The following AGBL4 variants were observed in gnomAD, a reference collection of about 807,000 sequenced individuals.
The protein encoded by AGBL4 is AGBL carboxypeptidase 4.
Under a neutral mutation model 66.4 loss-of-function variants are expected in AGBL4, and 58 were observed. The ratio of observed to expected loss-of-function variants is 0.87; its 90% CI spans 0.71 to 1.09. The LOEUF (loss-of-function observed/expected upper bound fraction) is 1.09, where lower values mean the gene tolerates loss of function less well. Ranked by LOEUF, AGBL4 falls within the 50% of genes least tolerant of loss-of-function variation. AGBL4 has a pLI of 0.00. For synonymous variants in AGBL4, 234 were observed against 222.9 expected, an observed-to-expected ratio of 1.05 and a Z score of -0.44; for missense variants, 579 against 631.0, an observed-to-expected ratio of 0.92 and a Z score of 0.88.
chr1:49,231,541 C>G (rs1557750134), intron 4 of AGBL4, among the ~76,000 whole-genome samples: 1 of 152,310 alleles, frequency 6.6e-6, no homozygotes, highest in African/African-American at 2.4e-5. Context: ...CAGCAAGACT[C>G]TTTCTTTGGG....
intron 1 of AGBL4, among the ~76,000 whole-genome samples, chr1:49,951,727 T>A (rs553366454): frequency 6.6e-6 from 1 of 151,944 alleles, no homozygotes; most frequent in East Asian, 1.9e-4. Context: ...GTTATTTAGG[T>A]TTGGCAATGT....
chr1:49,331,279 C>G (rs968869563), intron 3 of AGBL4, among the ~76,000 whole-genome samples: 1 of 152,076 alleles, frequency 6.6e-6, no homozygotes, highest in East Asian at 1.9e-4. Flanking sequence ...CGGGTCGGGT[C>G]GAGCAGCACC....
chr1:48,743,795 G>T (rs1233962948), intron 6 of AGBL4, among the ~76,000 whole-genome samples: 1 of 152,154 alleles, frequency 6.6e-6, no homozygotes, highest in Non-Finnish European at 1.5e-5. Flanking sequence ...GCCACTCTGG[G>T]TTCAGTTAAC....
chr1:50,022,543 C>T (rs1662520820), intron 1 of AGBL4, among the ~76,000 whole-genome samples: 1 of 151,726 alleles, frequency 6.6e-6, no homozygotes, highest in African/African-American at 2.4e-5. Flanking sequence ...ATAATGGTTC[C>T]TCGAACTTAT....
At chr1:49,409,149 G>GCTCTCTCTCTCTCT (rs373757168) in intron 3 of AGBL4, among the ~76,000 whole-genome samples, 4,756 of 145,988 alleles carry the variant, frequency 0.033, 93 homozygotes, top group Middle Eastern at 0.061. Flanking sequence ...ACTCTCTCTG[G>GCTCTCTCTCTCTCT]CTCTCTCTCT....
intron 3 of AGBL4, among the ~76,000 whole-genome samples, chr1:49,565,284 A>G (rs1211428766): frequency 6.6e-6 from 1 of 152,098 alleles, no homozygotes; most frequent in Non-Finnish European, 1.5e-5. Flanking sequence ...CTTTTAATTG[A>G]AGCATTTAGC....
intron 3 of AGBL4, among the ~76,000 whole-genome samples, chr1:49,399,655 G>T (rs1245148041): frequency 1.3e-5 from 2 of 152,104 alleles, no homozygotes; most frequent in Non-Finnish European, 2.9e-5. Context: ...TTTCAGAAAT[G>T]TCTATTCAGG....
chr1:49,402,569 C>CT (rs111878788), intron 3 of AGBL4, among the ~76,000 whole-genome samples: 67,277 of 137,704 alleles, frequency 0.49, 18,408 homozygotes, highest in Non-Finnish European at 0.63. Context: ...TTTTGAATGC[C>CT]TTTTTTTTTT....
chr1:49,026,635 GT>G (rs1477225678), intron 5 of AGBL4, among the ~76,000 whole-genome samples: 1 of 152,110 alleles, frequency 6.6e-6, no homozygotes, highest in African/African-American at 2.4e-5. Context: ...ATTAGGCATG[GT>G]CCCTGTCCTC....
chr1:48,673,927 C>G (rs1019277379), intron 6 of AGBL4, among the ~76,000 whole-genome samples: 1 of 152,206 alleles, frequency 6.6e-6, no homozygotes, highest in South Asian at 2.1e-4. Flanking sequence ...ACAGAAGCCT[C>G]CTGCTGCTTC....
At chr1:48,696,908 T>G (rs1423719162) in intron 6 of AGBL4, among the ~76,000 whole-genome samples, 1 of 152,094 alleles carries the variant, frequency 6.6e-6, no homozygotes, top group Non-Finnish European at 1.5e-5. Flanking sequence ...TGGCCCCTCC[T>G]CCCTGAGGAA....
chr1:48,939,204 A>G (rs993177941), intron 5 of AGBL4, among the ~76,000 whole-genome samples: 1 of 152,264 alleles, frequency 6.6e-6, no homozygotes, highest in African/African-American at 2.4e-5. Context: ...TAGCACACAG[A>G]ACAATTCCTG....
chr1:49,682,675 C>A (rs1038816874), intron 3 of AGBL4, among the ~76,000 whole-genome samples: 12 of 152,318 alleles, frequency 7.9e-5, no homozygotes, highest in Middle Eastern at 3.4e-3. Context: ...ACCTGTGCAG[C>A]TGCACAGGGC....
At chr1:49,172,244 A>G (rs779419519) in intron 4 of AGBL4, among the ~76,000 whole-genome samples, 6 of 152,216 alleles carry the variant, frequency 3.9e-5, no homozygotes, top group Non-Finnish European at 7.3e-5. Flanking sequence ...CTGAGGATAT[A>G]TATTACATTG....
intron 5 of AGBL4, among the ~76,000 whole-genome samples, chr1:49,041,115 T>G (rs1467975503): frequency 6.6e-6 from 1 of 152,092 alleles, no homozygotes; most frequent in Non-Finnish European, 1.5e-5. Flanking sequence ...GTAACAACTA[T>G]GGCCATAGTG....
At chr1:48,742,754 C>G in intron 6 of AGBL4, 1 of 1,602,014 alleles carries the variant, frequency 6.2e-7, no homozygotes, top group Non-Finnish European at 8.5e-7. Flanking sequence ...TTTACTTTTT[C>G]CAGATCAATG....
rs531044531 is a variant in AGBL4 at position 48,551,458 on chromosome 1, C to T, written c.1268-11720G>A. ...TCATTACTACATATGAAACTGTCAT[C>T]TCCAACAAAGTATGAGCTCTTCAAG... On this transcript the variant is annotated intron_variant, in intron 11 of 13. Transcript: ENST00000371839. Among the ~76,000 whole-genome samples the T allele has an allele frequency of 5.9e-5, 9 of 152,268 alleles. 1 individual carries two copies. In the South Asian group the frequency reaches 1.2e-3, roughly 21 times the overall value.
At chr1:49,531,689 G>A (rs1347355528) in intron 3 of AGBL4, among the ~76,000 whole-genome samples, 1 of 151,894 alleles carries the variant, frequency 6.6e-6, no homozygotes, top group Non-Finnish European at 1.5e-5. Flanking sequence ...AGACAACTGG[G>A]GTTCTGACAA....
chr1:49,255,949 G>C (rs545089916), intron 3 of AGBL4, among the ~76,000 whole-genome samples: 44 of 152,100 alleles, frequency 2.9e-4, no homozygotes, highest in Non-Finnish European at 2.9e-4. Context: ...TTATAAGTGG[G>C]AGCTAAATGA....
Sources: gnomAD v4.1 joint callset for allele counts (sites outside exome capture counted in the v4.1 genomes callset) on GRCh38, gnomAD v4.1.1 for gene constraint, MANE v1.5 for transcripts, NCBI Gene and HGNC (gene_info 2026-07-23, HGNC 2026-07-21) for gene names.